Variants in SSBP1 observed in about 807,000 individuals in gnomAD.
The protein encoded by SSBP1 is single-stranded DNA-binding protein, mitochondrial.
Under a neutral mutation model 27.0 loss-of-function variants are expected in SSBP1, and 20 were observed. The observed-to-expected ratio is 0.74, with a 90% confidence interval of 0.52 to 1.08. The LOEUF (loss-of-function observed/expected upper bound fraction) is 1.08, where lower values mean the gene tolerates loss of function less well. Among genes scored for constraint, SSBP1 ranks in the 50% least tolerant of loss-of-function variants. The pLI, the probability that SSBP1 is intolerant of heterozygous loss-of-function variation, is 0.00. For missense variants in SSBP1, 137 were observed against 182.4 expected, an observed-to-expected ratio of 0.75 and a Z score of 1.44; for synonymous variants, 59 against 59.3, an observed-to-expected ratio of 1.00 and a Z score of 0.02.
intron 1 of SSBP1, 32 bp from the exon 2 acceptor site, chr7:141,739,088 GTAAT>G: frequency 7.8e-7 from 1 of 1,286,130 alleles, no homozygotes; most frequent in East Asian, 2.4e-5. Flanking sequence ...GCCATAAGAG[GTAAT>G]GTTTTTTTCT....
At chr7:141,741,148 G>T (rs1022699254) in intron 2 of SSBP1, 1 of 152,234 alleles carries the variant, frequency 6.6e-6, no homozygotes, top group Non-Finnish European at 1.5e-5. Flanking sequence ...CATGGAGGAG[G>T]GGGGTGCCGT....
chr7:141,742,663 T>A (rs1400816291), intron 3 of SSBP1, among the ~76,000 whole-genome samples: 1 of 152,158 alleles, frequency 6.6e-6, no homozygotes, highest in African/African-American at 2.4e-5. Flanking sequence ...GAGCTTACAG[T>A]TTGTTTTGTG....
chr7:141,743,851 G>T lies in SSBP1; in HGVS notation c.227-51G>T, dbSNP rs371743229. The T allele has an allele frequency of 3.5e-5, 55 of 1,576,278 alleles. No individual in the cohort carries two copies. In the African/African-American group the frequency reaches 6.7e-4, roughly 19 times the overall value. On this transcript the variant is annotated intron_variant, in intron 4 of 6. Coordinates refer to ENST00000265304, the MANE Select transcript of SSBP1 (RefSeq NM_003143.3). Reference sequence around the variant, plus strand: ...AGAAATCGTGACATTGGTTTTCCTGGGCATGTTGTCTGTTGGCATTTGTAA... The same window carrying T: ...AGAAATCGTGACATTGGTTTTCCTGTGCATGTTGTCTGTTGGCATTTGTAA...
rs138994670 is a variant in SSBP1 at position 141,740,305 on chromosome 7, A to G, written c.24+1115A>G. ...TTTGATTGGTGGACTTCTGCTTTTT[A>G]TATTAACAGTACTGCCACTTCAAAA... On this transcript the variant is annotated intron_variant, in intron 2 of 6. Transcript: ENST00000265304. 5.3e-5 allele frequency: 8 copies of G among 152,356 alleles called. No homozygotes were observed. In the East Asian group the frequency reaches 7.7e-4, roughly 15 times the overall value. 9.4% of individuals were successfully genotyped at this position (152,356 alleles called of 1,614,324 possible). A position where few individuals can be genotyped will look rare whatever the true frequency, so the allele number is the denominator to read the frequency against.
intron 6 of SSBP1, among the ~76,000 whole-genome samples, chr7:141,747,922 C>A (rs1799842495): frequency 6.8e-6 from 1 of 146,430 alleles, no homozygotes; most frequent in African/African-American, 2.5e-5. Flanking sequence ...TGCTTGAACC[C>A]AGGAGGCAGT....
At chr7:141,738,339 G>A (rs1325437468), upstream of SSBP1, 1 of 152,232 alleles carries the variant, frequency 6.6e-6, no homozygotes, top group Admixed American at 6.6e-5. Context: ...TTTTTCCTCT[G>A]GCGAGCTTTG....
At chr7:141,747,052 C>T (rs1799815343) in intron 6 of SSBP1, among the ~76,000 whole-genome samples, 1 of 152,070 alleles carries the variant, frequency 6.6e-6, no homozygotes, top group Admixed American at 6.5e-5. Flanking sequence ...AAAATGCATG[C>T]ATAAAAGAAA....
In SSBP1 at chr7:141,743,608, T is replaced by C. The variant is rs1476227197; in HGVS notation, c.133T>C (p.Leu45=). 1.2e-6 allele frequency: 2 copies of C among 1,614,208 alleles called. No homozygotes were observed. The highest frequency in any genetic ancestry group is 2.2e-5 in the South Asian group (2 of 91,076). ...TGGGCGAGTGGGTCAGGACCCTGTC[T>C]TGAGACAGGTGGAAGGAAAAAATCC... is the stretch of plus-strand genomic sequence containing the variant. ...LLGRVGQDPV[L]RQVEGKNPVT... is the part of the protein sequence containing the mutation. The change falls in exon 4 of 7, where the codon TTG becomes CTG. Residue 45 remains leucine, a synonymous_variant. Transcript: ENST00000265304.
At chr7:141,743,040 A>T (rs927481430) in intron 3 of SSBP1, among the ~76,000 whole-genome samples, 1 of 152,090 alleles carries the variant, frequency 6.6e-6, no homozygotes, top group Non-Finnish European at 1.5e-5. Flanking sequence ...ATTTTAGTAG[A>T]GATGGGGTTT....
At chr7:141,749,212 A>T (rs1421062692) in intron 6 of SSBP1, among the ~76,000 whole-genome samples, 1 of 152,224 alleles carries the variant, frequency 6.6e-6, no homozygotes, top group Non-Finnish European at 1.5e-5. Flanking sequence ...TCTAAAGATG[A>T]TTTAAAGTAT....
In SSBP1 at chr7:141,743,624, G is replaced by A; in HGVS notation, c.149G>A (p.Gly50Glu). 1 of 1,614,112 alleles carries A rather than the reference G, an allele frequency of 6.2e-7. No individual in the cohort carries two copies. Residue 50 changes from glycine (G) to glutamate (E), a missense_variant, in exon 4 of 7, where the codon GGA (glycine) becomes GAA (glutamate). Coordinates refer to ENST00000265304, the MANE Select transcript of SSBP1 (RefSeq NM_003143.3). ...GACCCTGTCTTGAGACAGGTGGAAG[G>A]AAAAAATCCAGTCACAATATTTTCT... ...GQDPVLRQVE[G>E]KNPVTIFSLA...
chr7:141,740,533 G>A (rs1287957481), intron 2 of SSBP1: 1 of 152,150 alleles, frequency 6.6e-6, no homozygotes, highest in Non-Finnish European at 1.5e-5. Context: ...GTCTCTCTGA[G>A]GTGTTTTCTC....
chr7:141,747,285 A>G (rs1326605816), intron 6 of SSBP1, among the ~76,000 whole-genome samples: 1 of 151,916 alleles, frequency 6.6e-6, no homozygotes, highest in Non-Finnish European at 1.5e-5. Context: ...GGACATAAAT[A>G]CTAAGAAAGC....
chr7:141,739,190 G>T lies in SSBP1; in HGVS notation c.24G>T (p.Gln8His). The T allele has an allele frequency of 6.2e-7, 1 of 1,601,096 alleles. No homozygotes were observed. Among genetic ancestry groups the T allele is most frequent in the Non-Finnish European group, 8.5e-7 (1 of 1,174,038 alleles). MFRRPVL[Q>H]VLRQFVRHES... ...CCATGTTTCGAAGACCTGTATTACAGGTAGTCACTTGTCTGTATTAATACT... is the reference window on the plus strand; with the variant it reads ...CCATGTTTCGAAGACCTGTATTACATGTAGTCACTTGTCTGTATTAATACT... The change falls in exon 2 of 7, where the codon CAG becomes CAT. Residue 8 changes from glutamine (Q) to histidine (H), a missense_variant and splice_region_variant. Around this residue, in one of 2 missense-constraint regions of SSBP1, gnomAD observed 42 missense variants for 30.4 expected, o/e 1.38. Coordinates refer to ENST00000265304, the MANE Select transcript of SSBP1 (RefSeq NM_003143.3).
intron 2 of SSBP1, among the ~76,000 whole-genome samples, 166 bp from the exon 3 acceptor site, chr7:141,742,003 C>T (rs776625605): frequency 4.6e-5 from 7 of 152,178 alleles, no homozygotes; most frequent in South Asian, 2.1e-4. Context: ...AAGTGTTTGC[C>T]GGGGCCTTCT....
intron 3 of SSBP1, among the ~76,000 whole-genome samples, chr7:141,742,440 A>G (rs1799576738): frequency 6.6e-6 from 1 of 152,194 alleles, no homozygotes; most frequent in African/African-American, 2.4e-5. Flanking sequence ...GTTACTACTC[A>G]TTCTTGTCAA....
chr7:141,743,485 A>T lies in SSBP1; in HGVS notation c.86-76A>T, dbSNP rs539728598. The T allele has an allele frequency of 7.3e-5, 113 of 1,545,606 alleles. 1 individual carries two copies. In the African/African-American group the frequency reaches 1.4e-3, roughly 19 times the overall value. On this transcript the variant is annotated intron_variant, in intron 3 of 6. Coordinates refer to ENST00000265304, the MANE Select transcript of SSBP1 (RefSeq NM_003143.3). Reference sequence around the variant, plus strand: ...ACATTGAGGGTTAGAGCTTCAACATACAAATTTTGGGGGAAGGGGCACAAC... The same window carrying T: ...ACATTGAGGGTTAGAGCTTCAACATTCAAATTTTGGGGGAAGGGGCACAAC...
intron 4 of SSBP1, 98 bp from the exon 5 acceptor site, chr7:141,743,804 C>T: frequency 6.5e-7 from 1 of 1,540,228 alleles, no homozygotes. Flanking sequence ...CAAGATCTGT[C>T]TTTCATTCTG....
At chr7:141,738,819 A>T (rs1799388830) in intron 1 of SSBP1, 1 of 242,328 alleles carries the variant, frequency 4.1e-6, no homozygotes, top group Admixed American at 5.7e-5. Flanking sequence ...CTCTGCTCTA[A>T]GGGAGCTTGC....
Sources: gnomAD v4.1 joint callset for allele counts (sites outside exome capture counted in the v4.1 genomes callset) on GRCh38, gnomAD v4.1.1 for gene constraint, gnomAD v4.1.1 regional missense constraint, MANE v1.5 for transcripts, NCBI Gene and HGNC (gene_info 2026-07-23, HGNC 2026-07-21) for gene names.